PRKG2: variants seen among roughly 807,000 people sequenced by gnomAD.
PRKG2 encodes the protein protein kinase cGMP-dependent 2.
A neutral mutation model predicts 97.2 loss-of-function variants in PRKG2; 33 were observed. The ratio of observed to expected loss-of-function variants is 0.34; its 90% CI spans 0.26 to 0.45. PRKG2 has a LOEUF of 0.45. Among genes scored for constraint, PRKG2 ranks in the 20% least tolerant of loss-of-function variants. The pLI, the probability that PRKG2 is intolerant of heterozygous loss-of-function variation, is 1.00. For synonymous variants in PRKG2, 330 were observed against 321.8 expected (o/e 1.03, Z -0.27); for missense variants, 638 against 900.0 (o/e 0.71, Z 3.73).
intron 6 of PRKG2, among the ~76,000 whole-genome samples, chr4:81,166,504 A>C (rs1289158183): frequency 6.6e-6 from 1 of 152,136 alleles, no homozygotes; most frequent in African/African-American, 2.4e-5. Context: ...CACAAAATGC[A>C]TATCGTTAGA....
chr4:81,190,000 G>A (rs183851093), intron 2 of PRKG2, among the ~76,000 whole-genome samples: 2 of 152,216 alleles, frequency 1.3e-5, no homozygotes, highest in East Asian at 3.9e-4. Flanking sequence ...TGGCCATACT[G>A]CCCAAAGTAA....
At chr4:81,197,276 A>G (rs995294286) in intron 2 of PRKG2, among the ~76,000 whole-genome samples, 1 of 152,182 alleles carries the variant, frequency 6.6e-6, no homozygotes, top group Non-Finnish European at 1.5e-5. Context: ...AAAAGAAAAA[A>G]AAAGGGTCAA....
At chr4:81,097,709 C>G (rs948728732) in intron 17 of PRKG2, among the ~76,000 whole-genome samples, 1 of 152,172 alleles carries the variant, frequency 6.6e-6, no homozygotes, top group African/African-American at 2.4e-5. Context: ...TATATCAGCA[C>G]TTGCTTCTTC....
At chr4:81,132,502 A>T (rs1746275884) in intron 14 of PRKG2, among the ~76,000 whole-genome samples, 1 of 152,166 alleles carries the variant, frequency 6.6e-6, no homozygotes, top group Admixed American at 6.6e-5. Flanking sequence ...CATGAGGTAC[A>T]ATTTTAACTA....
At chr4:81,179,035 G>A (rs1352760157) in intron 2 of PRKG2, among the ~76,000 whole-genome samples, 1 of 151,888 alleles carries the variant, frequency 6.6e-6, no homozygotes, top group Non-Finnish European at 1.5e-5. Flanking sequence ...TGAGGCAGGA[G>A]AATTGCTTGA....
At chr4:81,146,332 C>G (rs1747855201) in intron 9 of PRKG2, among the ~76,000 whole-genome samples, 1 of 152,074 alleles carries the variant, frequency 6.6e-6, no homozygotes, top group South Asian at 2.1e-4. Context: ...TTCAAATAGC[C>G]TACATTAATT....
intron 6 of PRKG2, among the ~76,000 whole-genome samples, chr4:81,160,605 T>A (rs1749527682): frequency 6.6e-6 from 1 of 152,186 alleles, no homozygotes; most frequent in Non-Finnish European, 1.5e-5. Context: ...TCTTGGAAGA[T>A]TCTACATTCA....
intron 1 of PRKG2, among the ~76,000 whole-genome samples, chr4:81,213,731 A>G (rs1467479352): frequency 1.3e-5 from 2 of 152,256 alleles, no homozygotes; most frequent in Admixed American, 1.3e-4. Context: ...AATAGCCTAG[A>G]GGAAGCAAGA....
At chr4:81,201,544 T>C (rs1753314797) in intron 2 of PRKG2, among the ~76,000 whole-genome samples, 1 of 152,164 alleles carries the variant, frequency 6.6e-6, no homozygotes, top group Non-Finnish European at 1.5e-5. Context: ...ACCATAAAAG[T>C]ATATTTGATG....
At chr4:81,124,574 T>G (rs1745373870) in intron 14 of PRKG2, among the ~76,000 whole-genome samples, 1 of 152,162 alleles carries the variant, frequency 6.6e-6, no homozygotes, top group African/African-American at 2.4e-5. Context: ...CATGAGTTAT[T>G]CAATCAGTCC....
chr4:81,168,627 G>A (rs997984787), intron 5 of PRKG2, among the ~76,000 whole-genome samples: 1 of 151,962 alleles, frequency 6.6e-6, no homozygotes, highest in Non-Finnish European at 1.5e-5. Flanking sequence ...GATTCAAGTG[G>A]GCCCCACAAT....
intron 2 of PRKG2, among the ~76,000 whole-genome samples, chr4:81,194,106 A>C (rs1044471709): frequency 1.3e-5 from 2 of 152,148 alleles, no homozygotes; most frequent in Admixed American, 6.5e-5. Context: ...ATCTCTTAGA[A>C]TATTAATCCC....
rs77501759 is a variant in PRKG2 at position 81,133,363 on chromosome 4, C to T, written c.1776+1792G>A. 0.014 allele frequency among the ~76,000 whole-genome samples: 2,198 copies of T among 152,192 alleles called. 165 individuals carry two copies. In the East Asian group the frequency reaches 0.24, roughly 17 times the overall value. On this transcript the variant is annotated intron_variant, in intron 14 of 18. Transcript: ENST00000264399. ...GATTCCTGGTTTCATGCAATGTTCT[C>T]TGATTCACCTACCCACACTACATAA...
At chr4:81,176,909 A>C (rs1056671031) in intron 2 of PRKG2, among the ~76,000 whole-genome samples, 4 of 152,120 alleles carry the variant, frequency 2.6e-5, no homozygotes, top group South Asian at 2.1e-4. Flanking sequence ...TCAATATCCT[A>C]CAACCCAGTA....
At chr4:81,136,204 T>C (rs1413618028) in intron 13 of PRKG2, among the ~76,000 whole-genome samples, 1 of 152,210 alleles carries the variant, frequency 6.6e-6, no homozygotes, top group Non-Finnish European at 1.5e-5. Flanking sequence ...ATGTTCATGA[T>C]ACAACACATT....
At chr4:81,208,420 T>C (rs1262678640) in intron 1 of PRKG2, among the ~76,000 whole-genome samples, 1 of 152,072 alleles carries the variant, frequency 6.6e-6, no homozygotes, top group Non-Finnish European at 1.5e-5. Flanking sequence ...CAAGAGTCTT[T>C]TGTGGGTTTT....
intron 14 of PRKG2, among the ~76,000 whole-genome samples, chr4:81,128,849 T>C (rs1745868303): frequency 6.6e-6 from 1 of 152,210 alleles, no homozygotes; most frequent in Non-Finnish European, 1.5e-5. Context: ...ATCTTAGTTA[T>C]TTCTTGTTTT....
At chr4:81,107,302 C>A (rs1228365739) in intron 15 of PRKG2, among the ~76,000 whole-genome samples, 1 of 152,008 alleles carries the variant, frequency 6.6e-6, no homozygotes, top group African/African-American at 2.4e-5. Context: ...GCGGAGTCAT[C>A]AGACAGTATT....
intron 14 of PRKG2, among the ~76,000 whole-genome samples, chr4:81,111,871 C>T (rs1015025369): frequency 1.3e-5 from 2 of 152,220 alleles, no homozygotes; most frequent in Admixed American, 6.5e-5. Context: ...TAAAACTATC[C>T]TCCACCTTCC....
Sources: gnomAD v4.1 joint callset for allele counts (sites outside exome capture counted in the v4.1 genomes callset) on GRCh38, gnomAD v4.1.1 for gene constraint, MANE v1.5 for transcripts, NCBI Gene and HGNC (gene_info 2026-07-23, HGNC 2026-07-21) for gene names.